The following SORBS2 variants were observed in gnomAD, a reference collection of about 807,000 sequenced individuals.
The protein encoded by SORBS2 is sorbin and SH3 domain-containing protein 2.
Under a neutral mutation model 97.7 loss-of-function variants are expected in SORBS2, and 46 were observed. The ratio of observed to expected loss-of-function variants is 0.47; its 90% CI spans 0.37 to 0.60. SORBS2 has a LOEUF of 0.60. Among genes scored for constraint, SORBS2 ranks in the 20% least tolerant of loss-of-function variants. The probability of loss-of-function intolerance (pLI) is 0.00; values close to 1 mark genes in which losing one functional copy is unlikely to be tolerated. For missense variants in SORBS2, 1,316 were observed against 1,282.3 expected (o/e 1.03, Z -0.40); for synonymous variants, 476 against 473.4 (o/e 1.01, Z -0.07).
chr4:185,823,713 A>G (rs2099198157), intron 1 of SORBS2, among the ~76,000 whole-genome samples: 2 of 152,198 alleles, frequency 1.3e-5, no homozygotes, highest in South Asian at 4.1e-4. Context: ...GACAGGAAAA[A>G]AAGTGTTATT....
chr4:185,883,764 C>G (rs191606308), intron 1 of SORBS2, among the ~76,000 whole-genome samples: 3 of 152,324 alleles, frequency 2.0e-5, no homozygotes, highest in East Asian at 3.9e-4. Flanking sequence ...TGGGAGGTCA[C>G]TTGAGCCCAG....
In SORBS2 at chr4:185,909,580, A is replaced by T. The variant is rs960641090; in HGVS notation, c.-338+46616T>A. Among the ~76,000 whole-genome samples the T allele has an allele frequency of 2.6e-5, 4 of 152,230 alleles. No homozygotes were observed. In the South Asian group the frequency reaches 8.3e-4, roughly 32 times the overall value. On this transcript the variant is annotated intron_variant, in intron 1 of 20. Coordinates refer to the SORBS2 transcript ENST00000284776. ...AAAGGGTAAAAAAAAGAAAAAATAA[A>T]GTCATTGCATTAAAAATCTTTCAAG...
Position 185,587,696 on chromosome 4 carries a change from T to G in SORBS2, c.2954-8A>C. On this transcript the variant is annotated splice_polypyrimidine_tract_variant and splice_region_variant and intron_variant, in intron 14 of 14. Coordinates refer to ENST00000418609, the Ensembl canonical transcript of SORBS2. ...TGGTTCTTCTTGAGGTCCCTGAAAATAGAAGCGAGTCATGAAAGGGGGGTG... is the reference window on the plus strand; with the variant it reads ...TGGTTCTTCTTGAGGTCCCTGAAAAGAGAAGCGAGTCATGAAAGGGGGGTG... The G allele has an allele frequency of 6.2e-7, 1 of 1,610,152 alleles. No individual in the cohort carries two copies.
At chr4:185,762,307 G>A (rs567391100) in intron 2 of SORBS2, among the ~76,000 whole-genome samples, 9 of 152,156 alleles carry the variant, frequency 5.9e-5, no homozygotes, top group South Asian at 2.1e-4. Context: ...TTGAATTTGA[G>A]GTACTCAGAA....
At chr4:185,787,746 C>T (rs1455500273) in intron 1 of SORBS2, among the ~76,000 whole-genome samples, 1 of 152,194 alleles carries the variant, frequency 6.6e-6, no homozygotes, top group Admixed American at 6.5e-5. Flanking sequence ...TGTGGGCGGG[C>T]AGGTTTCCCG....
At chr4:185,618,379 C>T (rs377631158) in intron 9 of SORBS2, among the ~76,000 whole-genome samples, 2 of 152,162 alleles carry the variant, frequency 1.3e-5, no homozygotes, top group African/African-American at 4.8e-5. Flanking sequence ...TTCTACCTAA[C>T]ATGTTTAATG....
chr4:185,658,527 CTT>C (rs2153470838), upstream of SORBS2, among the ~76,000 whole-genome samples: 1 of 152,038 alleles, frequency 6.6e-6, no homozygotes, highest in South Asian at 2.1e-4. Context: ...TGTATATACT[CTT>C]TATATCATGG....
At chr4:185,721,084 CTTTT>C (rs1160319469) in intron 2 of SORBS2, among the ~76,000 whole-genome samples, 33 of 92,170 alleles carry the variant, frequency 3.6e-4, no homozygotes, top group Admixed American at 1.6e-3. Flanking sequence ...CCCACCTATT[CTTTT>C]TTTTTTTTTT....
At chr4:185,943,456 C>T (rs1468445397) in intron 1 of SORBS2, among the ~76,000 whole-genome samples, 3 of 152,138 alleles carry the variant, frequency 2.0e-5, no homozygotes, top group Non-Finnish European at 2.9e-5. Flanking sequence ...CAAAAACATA[C>T]AAATGGTACC....
At chr4:185,622,122 A>G (rs1023317789) in intron 7 of SORBS2, among the ~76,000 whole-genome samples, 5 of 152,248 alleles carry the variant, frequency 3.3e-5, no homozygotes, top group Non-Finnish European at 7.3e-5. Context: ...AATCTCAAAA[A>G]TAGTCCTCTG....
At chr4:185,819,076 T>A (rs2099195119) in intron 1 of SORBS2, among the ~76,000 whole-genome samples, 2 of 152,192 alleles carry the variant, frequency 1.3e-5, no homozygotes, top group Non-Finnish European at 2.9e-5. Context: ...CAATTTTTGG[T>A]AACACATGAG....
chr4:185,800,223 C>T (rs1466289316), intron 1 of SORBS2, among the ~76,000 whole-genome samples: 2 of 152,058 alleles, frequency 1.3e-5, no homozygotes, highest in African/African-American at 4.8e-5. Context: ...AAAGTCCATG[C>T]TTCTAACCAC....
At chr4:185,677,630 A>T in intron 4 of SORBS2, 1 of 1,510,782 alleles carries the variant, frequency 6.6e-7, no homozygotes, top group African/African-American at 1.4e-5. Flanking sequence ...TTTCTGGTGG[A>T]GGGGGTGCCT....
chr4:185,908,224 A>G (rs568820185), intron 1 of SORBS2, among the ~76,000 whole-genome samples: 2 of 136,184 alleles, frequency 1.5e-5, no homozygotes, highest in South Asian at 4.9e-4. Flanking sequence ...TTTTTATTTC[A>G]TCTATAGATA....
At chr4:185,753,110 T>A (rs2098811316) in intron 2 of SORBS2, among the ~76,000 whole-genome samples, 1 of 152,198 alleles carries the variant, frequency 6.6e-6, no homozygotes, top group Non-Finnish European at 1.5e-5. Flanking sequence ...CATAAACAAT[T>A]TCCATCTGAG....
chr4:185,904,542 C>T (rs980600692), intron 1 of SORBS2, among the ~76,000 whole-genome samples: 6 of 152,154 alleles, frequency 3.9e-5, no homozygotes, highest in Admixed American at 6.5e-5. Context: ...CGGTTAGGAA[C>T]AGGAAGAAAG....
At chr4:185,950,497 GA>G (rs949818275) in intron 1 of SORBS2, among the ~76,000 whole-genome samples, 6 of 152,166 alleles carry the variant, frequency 3.9e-5, no homozygotes, top group African/African-American at 7.2e-5. Context: ...TGTGCAGGTT[GA>G]GGGTTTGGAG....
chr4:185,916,401 C>T (rs2099258159), intron 1 of SORBS2, among the ~76,000 whole-genome samples: 1 of 152,220 alleles, frequency 6.6e-6, no homozygotes, highest in African/African-American at 2.4e-5. Flanking sequence ...AGTCTCAGTG[C>T]CTGTCACGCC....
At chr4:185,743,696 T>A (rs531503095) in intron 2 of SORBS2, among the ~76,000 whole-genome samples, 42 of 152,266 alleles carry the variant, frequency 2.8e-4, no homozygotes, top group African/African-American at 9.9e-4. Context: ...AAACTAAGAC[T>A]CTGATGGTGA....
Sources: allele counts gnomAD v4.1 joint callset (sites outside exome capture counted in the v4.1 genomes callset), GRCh38; gene constraint gnomAD v4.1.1; transcripts MANE v1.5; gene names NCBI Gene and HGNC (gene_info 2026-07-23, HGNC 2026-07-21).